Variants in SYTL3 observed in about 807,000 individuals in gnomAD.
SYTL3 encodes synaptotagmin-like protein 3.
SYTL3 carries 88 observed loss-of-function variants against 82.1 expected under a neutral mutation model. The ratio of observed to expected loss-of-function variants is 1.07; its 90% confidence interval spans 0.90 to 1.28. The LOEUF is 1.28. Ranked by LOEUF, SYTL3 falls within the 50% of genes most tolerant of loss-of-function variation. The pLI is 0.00. For synonymous variants in SYTL3, 311 were observed against 289.4 expected (o/e 1.07, Z -0.76); for missense variants, 831 against 757.6 (o/e 1.10, Z -1.14).
chr6:158,751,183 G>A (rs1583477506), intron 12 of SYTL3, among the ~76,000 whole-genome samples: 1 of 152,256 alleles, frequency 6.6e-6, no homozygotes, highest in East Asian at 1.9e-4. Context: ...GGCACAGATA[G>A]AGGAGGCTCA....
chr6:158,693,682 C>CTTTCTTTCTTTTCGT, intron 6 of SYTL3, among the ~76,000 whole-genome samples: 1 of 136,308 alleles, frequency 7.3e-6, no homozygotes, highest in Middle Eastern at 3.8e-3. Flanking sequence ...TGAATCCAGC[C>CTTTCTTTCTTTTCGT]TTTCTTTCTT....
chr6:158,721,493 G>C (rs1784105069), intron 10 of SYTL3, among the ~76,000 whole-genome samples: 1 of 151,982 alleles, frequency 6.6e-6, no homozygotes, highest in Non-Finnish European at 1.5e-5. Context: ...TTACAGGTGT[G>C]AGCCACCACG....
intron 15 of SYTL3, 114 bp downstream of exon 15, chr6:158,760,859 G>A (rs1474993421): frequency 2.5e-5 from 19 of 774,952 alleles, no homozygotes; most frequent in East Asian, 1.3e-4. Context: ...CTACGTCCCC[G>A]TGCCCAGCTC....
Position 158,763,392 on chromosome 6 carries a change from G to T in SYTL3, c.1606G>T (p.Val536Phe), listed in dbSNP as rs1790272557. 6.2e-7 allele frequency: 1 copy of T among 1,614,226 alleles called. No homozygotes were observed. The highest frequency in any genetic ancestry group is 2.2e-5 in the East Asian group (1 of 44,892). Residue 536 changes from valine to phenylalanine, a missense_variant, in exon 17 of 18, where the codon GTC becomes TTC. Transcript: ENST00000611299. ...QACPQWKHSF[V>F]FSGVTPAQLR... ...TTGCCCCCAGTGGAAACACTCATTT[G>T]TCTTCAGTGGCGTAACCCCAGCTCA...
chr6:158,680,684 A>G (rs1778588213), intron 5 of SYTL3, among the ~76,000 whole-genome samples: 1 of 151,902 alleles, frequency 6.6e-6, no homozygotes, highest in South Asian at 2.1e-4. Context: ...CCCGGGAGGC[A>G]GGGATTGCAA....
chr6:158,758,436 CAAAA>C (rs560146235), intron 14 of SYTL3, among the ~76,000 whole-genome samples: 5 of 127,106 alleles, frequency 3.9e-5, no homozygotes, highest in Non-Finnish European at 6.9e-5. Flanking sequence ...GACTCTGTCT[CAAAA>C]AAAAAAAAAA....
intron 13 of SYTL3, among the ~76,000 whole-genome samples, chr6:158,752,330 AG>A (rs2128528785): frequency 6.6e-6 from 1 of 152,336 alleles, no homozygotes; most frequent in South Asian, 2.1e-4. Flanking sequence ...ACCGGGGCAC[AG>A]GATAATTTTA....
chr6:158,674,851 A>C (rs964397434), intron 5 of SYTL3, among the ~76,000 whole-genome samples: 2 of 152,108 alleles, frequency 1.3e-5, no homozygotes, highest in African/African-American at 2.4e-5. Flanking sequence ...TTAGTGCTTC[A>C]AAATGGGTGT....
At chr6:158,749,390 G>GAAAAAAAAAAA (rs1167978441) in intron 12 of SYTL3, among the ~76,000 whole-genome samples, 1 of 52,152 alleles carries the variant, frequency 1.9e-5, no homozygotes, top group African/African-American at 6.6e-5. Context: ...GACTCTGTCT[G>GAAAAAAAAAAA]AAAAAAAAAA....
intron 5 of SYTL3, among the ~76,000 whole-genome samples, chr6:158,679,574 ACTTTATT>A (rs58703317): frequency 0.15 from 23,201 of 151,902 alleles, 4,408 homozygotes; most frequent in African/African-American, 0.45. Flanking sequence ...TGGTATTTTT[ACTTTATT>A]CTTTAATCAC....
chr6:158,652,786 C>T (rs1184227845), intron 2 of SYTL3, among the ~76,000 whole-genome samples: 1 of 152,152 alleles, frequency 6.6e-6, no homozygotes, highest in African/African-American at 2.4e-5. Context: ...CGTGATCCAC[C>T]CACCTCAGCT....
In SYTL3 at chr6:158,749,505, C is replaced by CTTTTTTTTT. The variant is rs1217000691; in HGVS notation, c.1035-2422_1035-2421insTTTTTTTTT. On this transcript the variant is annotated intron_variant, in intron 12 of 17. Coordinates refer to ENST00000611299, the MANE Select transcript of SYTL3 (RefSeq NM_001242394.2). ...GAAATGAACACCTTCTTTTCTTTCT[C>CTTTTTTTTT]TCTTTTTTTTTTTTTTTTTTTTTTT... Among the ~76,000 whole-genome samples, 26 of 94,332 alleles carry CTTTTTTTTT rather than the reference C, an allele frequency of 2.8e-4. 1 individual carries two copies. Among genetic ancestry groups the CTTTTTTTTT allele is most frequent in the African/African-American group, 9.9e-4 (25 of 25,272 alleles). 61.9% of individuals were successfully genotyped at this position (94,332 alleles called of 152,430 possible).
intron 5 of SYTL3, among the ~76,000 whole-genome samples, chr6:158,668,520 C>T (rs1489400096): frequency 1.3e-5 from 2 of 150,464 alleles, no homozygotes; most frequent in African/African-American, 2.5e-5. Flanking sequence ...TGAGCCACTG[C>T]GCCCGGCCGG....
Position 158,706,365 on chromosome 6 carries a change from A to G in SYTL3, c.395-865A>G, listed in dbSNP as rs573226068. Among the ~76,000 whole-genome samples the G allele has an allele frequency of 2.6e-5, 4 of 152,270 alleles. No individual in the cohort carries two copies. The South Asian group carries it at 8.3e-4, about 32-fold the overall frequency. On this transcript the variant is annotated intron_variant, in intron 6 of 17. Transcript: ENST00000611299. ...TATTTGCCCTCCCAAAGGCCAGCCC[A>G]TCTGATTTTCTTACTGTCCGTGTCC...
At chr6:158,749,507 C>CTCTTTT (rs1554264331) in intron 12 of SYTL3, among the ~76,000 whole-genome samples, 3 of 66,024 alleles carry the variant, frequency 4.5e-5, no homozygotes, top group African/African-American at 6.4e-5. Flanking sequence ...TTCTTTCTCT[C>CTCTTTT]TTTTTTTTTT....
chr6:158,672,718 G>A (rs1370912312), intron 5 of SYTL3, among the ~76,000 whole-genome samples: 1 of 151,346 alleles, frequency 6.6e-6, no homozygotes, highest in African/African-American at 2.4e-5. Flanking sequence ...TGCAACCTCC[G>A]CCTCCTGGGT....
intron 3 of SYTL3, among the ~76,000 whole-genome samples, chr6:158,662,077 C>T (rs1047394221): frequency 6.6e-6 from 1 of 152,174 alleles, no homozygotes; most frequent in Non-Finnish European, 1.5e-5. Flanking sequence ...CTGTTAGCCT[C>T]TCATTCACTA....
At chr6:158,754,120 T>TGAG (rs2128533866) in intron 13 of SYTL3, among the ~76,000 whole-genome samples, 1 of 152,282 alleles carries the variant, frequency 6.6e-6, no homozygotes, top group Non-Finnish European at 1.5e-5. Flanking sequence ...TTCAGGTGGA[T>TGAG]GAGGCTGTGA....
intron 14 of SYTL3, among the ~76,000 whole-genome samples, chr6:158,759,929 G>C (rs1016478042): frequency 2.0e-5 from 3 of 152,092 alleles, no homozygotes; most frequent in Non-Finnish European, 4.4e-5. Context: ...GCTGTTGTTA[G>C]TGTATTTTAT....
Sources: allele counts gnomAD v4.1 joint callset (sites outside exome capture counted in the v4.1 genomes callset), GRCh38; gene constraint gnomAD v4.1.1; transcripts MANE v1.5; gene names NCBI Gene and HGNC (gene_info 2026-07-23, HGNC 2026-07-21).